The following LYN variants were observed in gnomAD, a reference collection of about 807,000 sequenced individuals.
LYN encodes LYN proto-oncogene, Src family tyrosine kinase.
Under a neutral mutation model 65.0 loss-of-function variants are expected in LYN, and 12 were observed. The ratio of observed to expected loss-of-function variants is 0.18; its 90% CI spans 0.12 to 0.30. The LOEUF is 0.30. LYN is among the 10% of genes least tolerant of loss of function. The probability of loss-of-function intolerance (pLI) is 1.00; values close to 1 mark genes in which losing one functional copy is unlikely to be tolerated. For synonymous variants in LYN, 222 were observed against 221.2 expected (o/e 1.00, Z -0.03); for missense variants, 380 against 623.2 (o/e 0.61, Z 4.16).
chr8:55,904,006 C>CA (rs5891599), intron 1 of LYN, among the ~76,000 whole-genome samples: 117,779 of 150,794 alleles, frequency 0.78, 46,727 homozygotes, highest in East Asian at 0.97. Flanking sequence ...GACAGAGTCT[C>CA]AAAAAAAAAG....
chr8:55,920,357 GT>G (rs1011161388), intron 1 of LYN, among the ~76,000 whole-genome samples: 1 of 152,152 alleles, frequency 6.6e-6, no homozygotes, highest in Non-Finnish European at 1.5e-5. Flanking sequence ...TAACAATTTT[GT>G]TTGTGCAGAA....
intron 1 of LYN, among the ~76,000 whole-genome samples, chr8:55,901,927 C>T (rs1481469654): frequency 6.6e-6 from 1 of 152,186 alleles, no homozygotes; most frequent in African/African-American, 2.4e-5. Context: ...GGAGTCATGA[C>T]TGCACAGACA....
At chr8:55,891,128 G>A (rs1055620205) in intron 1 of LYN, among the ~76,000 whole-genome samples, 1 of 152,000 alleles carries the variant, frequency 6.6e-6, no homozygotes, top group African/African-American at 2.4e-5. Flanking sequence ...CAAGGTGGGC[G>A]GATCACCTGA....
chr8:55,932,572 C>T (rs1806302232), intron 1 of LYN, among the ~76,000 whole-genome samples: 1 of 152,048 alleles, frequency 6.6e-6, no homozygotes, highest in South Asian at 2.1e-4. Context: ...AAGCATGCAC[C>T]ACCACGCCTG....
At chr8:55,943,634 T>A (rs1292436434) in intron 2 of LYN, among the ~76,000 whole-genome samples, 1 of 150,738 alleles carries the variant, frequency 6.6e-6, no homozygotes, top group East Asian at 2.0e-4. Flanking sequence ...TGTTTTTAAA[T>A]GCTCAGGTGT....
In LYN at chr8:56,013,301, C is replaced by T. The variant is rs1396381496; in HGVS notation, c.*3191C>T. 2.0e-5 allele frequency: 3 copies of T among 147,472 alleles called. No homozygotes were observed. Among genetic ancestry groups the T allele is most frequent in the African/African-American group, 5.1e-5 (2 of 39,206 alleles). The allele number at this position is 147,472 out of a possible 1,614,324, so 9.1% of individuals were successfully genotyped here. A position where few individuals can be genotyped will look rare whatever the true frequency, so the allele number is the denominator to read the frequency against. ...TTTTTTTTTTTGACAGAGTCTCACT[C>T]TGTCACGCAGGCTAGAGTTGCAGTG... On this transcript the variant is annotated 3_prime_UTR_variant, in exon 13 of 13. Transcript: ENST00000519728.
At chr8:55,919,713 C>T (rs1805887770) in intron 1 of LYN, among the ~76,000 whole-genome samples, 1 of 152,210 alleles carries the variant, frequency 6.6e-6, no homozygotes. Context: ...CAAGTCCCTT[C>T]CCTTCTCAGC....
intron 10 of LYN, among the ~76,000 whole-genome samples, chr8:55,971,916 T>C (rs916207146): frequency 2.0e-5 from 3 of 152,220 alleles, no homozygotes; most frequent in African/African-American, 7.2e-5. Context: ...GAGCCTGGCA[T>C]TGACTGTGAC....
rs72651493 is a variant in LYN at position 55,942,964 on chromosome 8, T to C, written c.132+973T>C. 6.0e-4 allele frequency among the ~76,000 whole-genome samples: 91 copies of C among 152,262 alleles called. 2 individuals carry two copies. The Middle Eastern group carries it at 0.017, about 28-fold the overall frequency. ...AATAGTACAGATCCTGAAGTTGTCA[T>C]CTGTTATTTTAGTGAATTAAAATAT... On this transcript the variant is annotated intron_variant, in intron 2 of 12. Transcript: ENST00000519728.
At chr8:55,887,120 A>G (rs1454226303) in intron 1 of LYN, among the ~76,000 whole-genome samples, 1 of 152,254 alleles carries the variant, frequency 6.6e-6, no homozygotes, top group Non-Finnish European at 1.5e-5. Context: ...AAAACATTCA[A>G]TTACAGTTAC....
At chr8:55,952,309 A>G (rs1320598562) in intron 7 of LYN, among the ~76,000 whole-genome samples, 194 bp downstream of exon 7, 1 of 152,210 alleles carries the variant, frequency 6.6e-6, no homozygotes, top group Non-Finnish European at 1.5e-5. Context: ...CTGTAATCCC[A>G]GCACTTTGGG....
At chr8:55,891,018 C>A (rs1804945985) in intron 1 of LYN, among the ~76,000 whole-genome samples, 1 of 151,570 alleles carries the variant, frequency 6.6e-6, no homozygotes, top group Non-Finnish European at 1.5e-5. Context: ...CATGAACCAC[C>A]GTGCCCAGCC....
At chr8:55,905,682 A>G (rs1805400006) in intron 1 of LYN, among the ~76,000 whole-genome samples, 1 of 152,128 alleles carries the variant, frequency 6.6e-6, no homozygotes, top group Non-Finnish European at 1.5e-5. Flanking sequence ...CAAACACTTA[A>G]GAGGCCTATG....
In LYN at chr8:56,010,808, T is replaced by C. The variant is rs528909122; in HGVS notation, c.*698T>C. The C allele has an allele frequency of 4.3e-6, 1 of 230,918 alleles. No homozygotes were observed. Among genetic ancestry groups the C allele is most frequent in the South Asian group, 1.8e-4 (1 of 5,500 alleles). The allele number at this position is 230,918 out of a possible 1,614,324, so 14.3% of individuals were successfully genotyped here. Reference sequence around the variant, plus strand: ...CCCGTGAGCACGCACAGCTGCCCTGTCTGCTCACCCGAAGGCACCGGGCTC... The same window carrying C: ...CCCGTGAGCACGCACAGCTGCCCTGCCTGCTCACCCGAAGGCACCGGGCTC... On this transcript the variant is annotated 3_prime_UTR_variant, in exon 13 of 13. Transcript: ENST00000519728.
At chr8:55,989,594 C>G (rs150431670) in intron 10 of LYN, among the ~76,000 whole-genome samples, 8 of 152,334 alleles carry the variant, frequency 5.3e-5, no homozygotes, top group African/African-American at 1.9e-4. Flanking sequence ...GGACTTTCTA[C>G]TTTAACATTG....
chr8:55,985,411 C>T (rs892114701), intron 10 of LYN, among the ~76,000 whole-genome samples: 12 of 152,012 alleles, frequency 7.9e-5, no homozygotes, highest in East Asian at 1.9e-4. Context: ...ATTTTGAAAA[C>T]GCACTTCAAA....
At chr8:55,950,378 T>A in intron 4 of LYN, 81 bp from the exon 5 acceptor site, 1 of 894,980 alleles carries the variant, frequency 1.1e-6, no homozygotes, top group East Asian at 2.4e-5. Context: ...AATACATATT[T>A]ATGGGATATC....
At chr8:55,978,095 A>G (rs1031935359) in intron 10 of LYN, among the ~76,000 whole-genome samples, 1 of 152,062 alleles carries the variant, frequency 6.6e-6, no homozygotes, top group Non-Finnish European at 1.5e-5. Context: ...AGATACTTAA[A>G]CCTCTCAACC....
chr8:55,973,217 C>T (rs1164118611), intron 10 of LYN, among the ~76,000 whole-genome samples: 2 of 152,150 alleles, frequency 1.3e-5, no homozygotes, highest in African/African-American at 4.8e-5. Flanking sequence ...TGGCTAAGTG[C>T]ACGTGACAGC....
Sources: allele counts gnomAD v4.1 joint callset (sites outside exome capture counted in the v4.1 genomes callset), GRCh38; gene constraint gnomAD v4.1.1; transcripts MANE v1.5; gene names NCBI Gene and HGNC (gene_info 2026-07-23, HGNC 2026-07-21).